Variants in DNAH9 observed in about 807,000 individuals in gnomAD.
The protein encoded by DNAH9 is dynein axonemal heavy chain 9.
Under a neutral mutation model 471.6 loss-of-function variants are expected in DNAH9, and 345 were observed. The ratio of observed to expected loss-of-function variants is 0.73; its 90% confidence interval spans 0.67 to 0.80. DNAH9 has a LOEUF of 0.80. Among genes scored for constraint, DNAH9 ranks in the 30% least tolerant of loss-of-function variants. DNAH9 has a pLI of 0.00. For synonymous variants in DNAH9, 2,093 were observed against 2,123.6 expected (o/e 0.99, Z 0.40); for missense variants, 5,407 against 5,609.2 (o/e 0.96, Z 1.15).
chr17:11,730,335 G>A (rs888506144), intron 28 of DNAH9, among the ~76,000 whole-genome samples: 5 of 152,264 alleles, frequency 3.3e-5, no homozygotes, highest in Admixed American at 6.5e-5. Flanking sequence ...AATCAAGGGC[G>A]TTTTTGCTCT....
chr17:11,802,648 C>CAAA (rs3070089), intron 43 of DNAH9, among the ~76,000 whole-genome samples: 1,425 of 131,278 alleles, frequency 0.011, 34 homozygotes, highest in African/African-American at 0.036. Flanking sequence ...AACACACAGA[C>CAAA]AAAAAAAAAA....
intron 9 of DNAH9, among the ~76,000 whole-genome samples, chr17:11,640,055 A>T (rs2150684411): frequency 6.6e-6 from 1 of 152,320 alleles, no homozygotes; most frequent in East Asian, 1.9e-4. Flanking sequence ...TAGCTTGGGC[A>T]TGGGACCCAG....
chr17:11,762,770 G>GTTTGTTTTTTTTTTT (rs1193246497), intron 35 of DNAH9, among the ~76,000 whole-genome samples: 34 of 90,794 alleles, frequency 3.7e-4, no homozygotes, highest in Non-Finnish European at 5.9e-4. Context: ...TTTTTTTTTT[G>GTTTGTTTTTTTTTTT]TTTTTTTTTT....
At chr17:11,780,929 TCTC>T in intron 38 of DNAH9, 77 bp from the exon 39 acceptor site, 2 of 1,459,320 alleles carry the variant, frequency 1.4e-6, no homozygotes, top group Non-Finnish European at 1.9e-6. Context: ...CACCATTGCT[TCTC>T]CTTGAAATCT....
intron 57 of DNAH9, among the ~76,000 whole-genome samples, chr17:11,891,156 A>G (rs1244317371): frequency 2.0e-5 from 3 of 152,238 alleles, no homozygotes; most frequent in Non-Finnish European, 4.4e-5. Context: ...CAGAAGATGT[A>G]ACCAAAGCAG....
At chr17:11,635,505 T>C (rs897948432) in intron 8 of DNAH9, among the ~76,000 whole-genome samples, 4 of 152,132 alleles carry the variant, frequency 2.6e-5, no homozygotes, top group Admixed American at 2.0e-4. Flanking sequence ...TTTAATTCTC[T>C]TTTGAAATGC....
intron 6 of DNAH9, among the ~76,000 whole-genome samples, chr17:11,629,086 CT>C (rs58325408): frequency 0.31 from 44,824 of 144,076 alleles, 7,314 homozygotes; most frequent in African/African-American, 0.43. Context: ...GATTTTAACT[CT>C]TTTTTTTTTT....
intron 59 of DNAH9, among the ~76,000 whole-genome samples, chr17:11,897,400 C>T (rs2151008798): frequency 6.6e-6 from 1 of 152,236 alleles, no homozygotes; most frequent in East Asian, 1.9e-4. Flanking sequence ...ATTTGAAGAC[C>T]ATTAAAATTA....
intron 28 of DNAH9, among the ~76,000 whole-genome samples, chr17:11,735,592 G>A (rs1317128865): frequency 2.0e-5 from 3 of 151,944 alleles, no homozygotes; most frequent in Non-Finnish European, 2.9e-5. Context: ...TGTGCCACCA[G>A]GCCTGGCTAA....
At position 11,961,866 on chromosome 17, in the gene DNAH9, G is replaced by T; in HGVS notation, c.12844-1G>T. ...TTCCCCCTCCCATTCTTTATCTTCA[G>T]GGGGAGCTGACTATGACCAGCCACA... On this transcript the variant is annotated splice_acceptor_variant, in intron 67 of 68. Transcript: ENST00000262442. LOFTEE classifies it high-confidence loss of function. 2 of 1,596,706 alleles carry T rather than the reference G, an allele frequency of 1.3e-6. No individual in the cohort carries two copies. Among genetic ancestry groups the T allele is most frequent in the Non-Finnish European group, 1.7e-6 (2 of 1,169,308 alleles).
intron 67 of DNAH9, among the ~76,000 whole-genome samples, chr17:11,944,834 C>G (rs988037088): frequency 3.3e-5 from 5 of 152,074 alleles, no homozygotes; most frequent in African/African-American, 1.2e-4. Context: ...TATGATGACT[C>G]AAGTTTGGGA....
chr17:11,827,248 A>G (rs952308611), intron 48 of DNAH9, among the ~76,000 whole-genome samples: 1 of 152,198 alleles, frequency 6.6e-6, no homozygotes, highest in Non-Finnish European at 1.5e-5. Flanking sequence ...CCATTCTTGC[A>G]TTGCTATAAA....
At position 11,826,713 on chromosome 17, in the gene DNAH9, C is replaced by T. The variant is rs1455766422; in HGVS notation, c.9246+3679C>T. On this transcript the variant is annotated intron_variant, in intron 48 of 68. Transcript: ENST00000262442. ...TCCTGACCTCGTGATCCGCCCGCCT[C>T]GGCGTCCCAAAGTGCTGGGATTACA... Among the ~76,000 whole-genome samples, 9 of 151,494 alleles carry T rather than the reference C, an allele frequency of 5.9e-5. No individual in the cohort carries two copies. The East Asian group carries it at 7.8e-4, about 13-fold the overall frequency.
chr17:11,907,415 A>T (rs1002599312), intron 61 of DNAH9, among the ~76,000 whole-genome samples: 1 of 151,774 alleles, frequency 6.6e-6, no homozygotes, highest in African/African-American at 2.4e-5. Flanking sequence ...GGTTGCAGTG[A>T]GCCAAGACCA....
chr17:11,604,999 C>T (rs2072469218), intron 1 of DNAH9, among the ~76,000 whole-genome samples: 1 of 152,174 alleles, frequency 6.6e-6, no homozygotes, highest in Admixed American at 6.5e-5. Context: ...CAAAATCTCA[C>T]AGGCAAGGCT....
At chr17:11,903,463 T>C (rs1235680364) in intron 60 of DNAH9, among the ~76,000 whole-genome samples, 1 of 152,246 alleles carries the variant, frequency 6.6e-6, no homozygotes, top group Admixed American at 6.5e-5. Flanking sequence ...GGTAAATGTA[T>C]TAAGTTATTG....
chr17:11,815,193 T>C (rs1028009365), intron 45 of DNAH9, among the ~76,000 whole-genome samples: 14 of 56,348 alleles, frequency 2.5e-4, no homozygotes, highest in African/African-American at 6.3e-4. Flanking sequence ...TTTGTGGTAA[T>C]AAACTGTTTT....
chr17:11,867,947 C>A (rs1972118033), intron 50 of DNAH9, among the ~76,000 whole-genome samples: 1 of 152,176 alleles, frequency 6.6e-6, no homozygotes, highest in African/African-American at 2.4e-5. Context: ...TCACACCTGA[C>A]ATTTCTGAGA....
intron 50 of DNAH9, among the ~76,000 whole-genome samples, chr17:11,857,078 A>T (rs1971653076): frequency 6.6e-6 from 1 of 152,156 alleles, no homozygotes; most frequent in African/African-American, 2.4e-5. Context: ...TATATTTTTC[A>T]GTCTCTTCCA....
Sources: gnomAD v4.1 joint callset for allele counts (sites outside exome capture counted in the v4.1 genomes callset) on GRCh38, gnomAD v4.1.1 for gene constraint, MANE v1.5 for transcripts, NCBI Gene and HGNC (gene_info 2026-07-23, HGNC 2026-07-21) for gene names.